Variants in MACROD2 observed in about 807,000 individuals in gnomAD.
MACROD2 encodes mono-ADP ribosylhydrolase 2, also known as ADP-ribose glycohydrolase MACROD2.
MACROD2 carries 36 observed loss-of-function variants against 70.4 expected under a neutral mutation model. The ratio of observed to expected loss-of-function variants is 0.51; its 90% CI spans 0.39 to 0.68. MACROD2 has a LOEUF of 0.68. Ranked by LOEUF, MACROD2 falls within the 30% of genes least tolerant of loss-of-function variation. MACROD2 has a pLI of 0.00. For synonymous variants in MACROD2, 172 were observed against 178.8 expected (o/e 0.96, Z 0.30); for missense variants, 496 against 538.4 (o/e 0.92, Z 0.78).
At position 14,745,771 on chromosome 20, in the gene MACROD2, A is replaced by G. The variant is rs191423654; in HGVS notation, c.418+60812A>G. 8.2e-4 allele frequency among the ~76,000 whole-genome samples: 124 copies of G among 152,146 alleles called. 2 individuals are homozygous for G. The highest frequency in any genetic ancestry group is 6.8e-3 in the Middle Eastern group (2 of 294). On this transcript the variant is annotated intron_variant, in intron 5 of 17. Transcript: ENST00000684519. ...CTTGCTGTAGCTGTGCTACTGTCCTATGTTGGAGAGGAGGTGTTACCTCAT... is the reference window on the plus strand; with the variant it reads ...CTTGCTGTAGCTGTGCTACTGTCCTGTGTTGGAGAGGAGGTGTTACCTCAT...
At chr20:15,775,888 C>T (rs1403689068) in intron 8 of MACROD2, among the ~76,000 whole-genome samples, 1 of 152,066 alleles carries the variant, frequency 6.6e-6, no homozygotes, top group Non-Finnish European at 1.5e-5. Flanking sequence ...GATGCTTACT[C>T]AGATCCAAAG....
intron 7 of MACROD2, among the ~76,000 whole-genome samples, chr20:15,448,867 T>G (rs2046604021): frequency 6.6e-6 from 1 of 152,120 alleles, no homozygotes; most frequent in Non-Finnish European, 1.5e-5. Flanking sequence ...GATCCAGGAT[T>G]TTGATGTTTG....
chr20:15,823,752 G>T (rs748435946), intron 8 of MACROD2, among the ~76,000 whole-genome samples: 15 of 152,294 alleles, frequency 9.8e-5, no homozygotes, highest in Admixed American at 6.5e-4. Flanking sequence ...TGTACATATG[G>T]CTGTGTAATT....
chr20:15,521,462 T>C (rs1405322471), intron 8 of MACROD2, among the ~76,000 whole-genome samples: 2 of 152,224 alleles, frequency 1.3e-5, no homozygotes, highest in Non-Finnish European at 2.9e-5. Context: ...CTTGAAGCTT[T>C]TGTGTTTTTA....
At position 15,951,424 on chromosome 20, in the gene MACROD2, A is replaced by G. The variant is rs896661227; in HGVS notation, c.907+13880A>G. ...TGCATTCTTTAATAAGAAGAAAGGA[A>G]TAATTGGCTGGCTAGTGGCAAGACT... is the stretch of plus-strand genomic sequence containing the variant. On this transcript the variant is annotated intron_variant, in intron 12 of 17. Coordinates refer to ENST00000684519, the MANE Select transcript of MACROD2 (RefSeq NM_001351661.2). 5.9e-5 allele frequency among the ~76,000 whole-genome samples: 9 copies of G among 152,198 alleles called. No individual in the cohort carries two copies. The South Asian group carries it at 8.3e-4, about 14-fold the overall frequency.
intron 8 of MACROD2, among the ~76,000 whole-genome samples, chr20:15,608,134 C>T (rs200737): frequency 0.12 from 18,454 of 152,048 alleles, 1,171 homozygotes; most frequent in Middle Eastern, 0.15. Context: ...TTGTAGATTG[C>T]GAGATATAAG....
chr20:15,226,963 G>T (rs2076911896), intron 5 of MACROD2, among the ~76,000 whole-genome samples: 1 of 152,122 alleles, frequency 6.6e-6, no homozygotes, highest in African/African-American at 2.4e-5. Flanking sequence ...ACTCAGTGTG[G>T]AGTAGTTACT....
chr20:14,191,989 G>A (rs1423656364), intron 3 of MACROD2, among the ~76,000 whole-genome samples: 1 of 151,834 alleles, frequency 6.6e-6, no homozygotes, highest in Non-Finnish European at 1.5e-5. Flanking sequence ...GTGGGGGAGG[G>A]GGAGGGGGAG....
At chr20:16,038,702 T>C (rs1316587315) in intron 15 of MACROD2, among the ~76,000 whole-genome samples, 1 of 151,996 alleles carries the variant, frequency 6.6e-6, no homozygotes, top group Non-Finnish European at 1.5e-5. Context: ...TCTATCCATA[T>C]GTCATCTCTT....
intron 5 of MACROD2, among the ~76,000 whole-genome samples, chr20:14,800,987 A>G (rs74760384): frequency 2.0e-5 from 3 of 152,248 alleles, no homozygotes; most frequent in East Asian, 3.9e-4. Flanking sequence ...TTAGCTTGAC[A>G]ACACACATGT....
intron 6 of MACROD2, among the ~76,000 whole-genome samples, chr20:15,380,971 T>A (rs1281048518): frequency 6.6e-6 from 1 of 152,180 alleles, no homozygotes; most frequent in Non-Finnish European, 1.5e-5. Flanking sequence ...CTCATTACTG[T>A]AAATGAAAAT....
chr20:15,879,767 G>C (rs2064727897), intron 9 of MACROD2, among the ~76,000 whole-genome samples: 1 of 152,086 alleles, frequency 6.6e-6, no homozygotes, highest in Non-Finnish European at 1.5e-5. Context: ...AGGCTGTTAA[G>C]TCCCAAGATC....
chr20:14,766,994 A>T (rs1229435229), intron 5 of MACROD2, among the ~76,000 whole-genome samples: 1 of 152,116 alleles, frequency 6.6e-6, no homozygotes. Flanking sequence ...TCTGATCTTC[A>T]TGGTTGGTCA....
At chr20:15,805,288 G>A (rs1188101573) in intron 8 of MACROD2, among the ~76,000 whole-genome samples, 2 of 152,036 alleles carry the variant, frequency 1.3e-5, no homozygotes, top group East Asian at 1.9e-4. Context: ...ACAAGAGAAG[G>A]GCGTGTTGTT....
intron 3 of MACROD2, among the ~76,000 whole-genome samples, chr20:14,402,195 T>A (rs1035369698): frequency 1.3e-5 from 2 of 152,186 alleles, no homozygotes; most frequent in Non-Finnish European, 2.9e-5. Context: ...AATTAAAAAT[T>A]ATGAACTCTG....
rs181861882 is a variant in MACROD2 at position 15,578,958 on chromosome 20, A to G, written c.645+79111A>G. Among the ~76,000 whole-genome samples, 3 of 152,330 alleles carry G rather than the reference A, an allele frequency of 2.0e-5. No individual in the cohort carries two copies. The East Asian group carries it at 5.8e-4, about 29-fold the overall frequency. On this transcript the variant is annotated intron_variant, in intron 8 of 17. Transcript: ENST00000684519. ...TGGGGAATACTAATCATTGTTAGCA[A>G]TTTGAACCGTTTTTTAAAATTAAAT...
intron 6 of MACROD2, among the ~76,000 whole-genome samples, chr20:15,290,929 CA>C (rs1342318480): frequency 1.3e-5 from 2 of 152,144 alleles, no homozygotes; most frequent in Non-Finnish European, 2.9e-5. Context: ...ATTGTAGAGA[CA>C]GACACATAAA....
At position 15,634,989 on chromosome 20, in the gene MACROD2, AGCAGTTGT is replaced by A. The variant is rs762786577; in HGVS notation, c.645+135144_645+135151del. 6.4e-4 allele frequency among the ~76,000 whole-genome samples: 97 copies of A among 152,324 alleles called. 1 individual carries two copies. Among genetic ancestry groups the A allele is most frequent in the Non-Finnish European group, 1.1e-3 (75 of 68,020 alleles). Reference sequence around the variant, plus strand: ...AGACTTGGCCTTGTAAGTGTCTAGAAGCAGTTGTGGCAGCAACAGCAATGCCTTCCTGA... The same window carrying A: ...AGACTTGGCCTTGTAAGTGTCTAGAAGGCAGCAACAGCAATGCCTTCCTGA... On this transcript the variant is annotated intron_variant, in intron 8 of 17. Coordinates refer to ENST00000684519, the MANE Select transcript of MACROD2 (RefSeq NM_001351661.2).
chr20:15,193,511 A>C (rs2145917777), intron 5 of MACROD2, among the ~76,000 whole-genome samples: 1 of 152,210 alleles, frequency 6.6e-6, no homozygotes, highest in South Asian at 2.1e-4. Flanking sequence ...AGCCAAGTGT[A>C]GTGGCACACA....
Sources: allele counts gnomAD v4.1 joint callset (sites outside exome capture counted in the v4.1 genomes callset), GRCh38; gene constraint gnomAD v4.1.1; transcripts MANE v1.5; gene names NCBI Gene and HGNC (gene_info 2026-07-23, HGNC 2026-07-21).